BARX2: variants seen among roughly 807,000 people sequenced by gnomAD.
The protein encoded by BARX2 is homeobox protein BarH-like 2.
BARX2 carries 11 observed loss-of-function variants against 25.5 expected under a neutral mutation model. The observed-to-expected ratio is 0.43, with a 90% CI of 0.27 to 0.71. The LOEUF (loss-of-function observed/expected upper bound fraction) is 0.71. Among genes scored for constraint, BARX2 ranks in the 30% least tolerant of loss-of-function variants. BARX2 has a pLI of 0.19. For synonymous variants in BARX2, 137 were observed against 149.5 expected (o/e 0.92, Z 0.61); for missense variants, 360 against 359.9 (o/e 1.00, Z 0.00).
At chr11:129,386,193 G>A (rs1361967264) in intron 1 of BARX2, among the ~76,000 whole-genome samples, 1 of 152,220 alleles carries the variant, frequency 6.6e-6, no homozygotes, top group African/African-American at 2.4e-5. Context: ...CCCCAGTCGT[G>A]CAAGAGAGAG....
upstream of BARX2, chr11:129,375,803 T>G (rs2135379782): frequency 6.5e-6 from 1 of 153,638 alleles, no homozygotes; most frequent in East Asian, 1.9e-4. The surrounding 1 kb of genome is among the most constrained non-coding windows in gnomAD (Gnocchi z 4.0). Context: ...TCGCGCTGAT[T>G]GACAGCTGCG....
chr11:129,435,084 T>C (rs1862174135), intron 1 of BARX2, among the ~76,000 whole-genome samples: 1 of 152,232 alleles, frequency 6.6e-6, no homozygotes, highest in African/African-American at 2.4e-5. Context: ...AAACATCTTA[T>C]GCCTTTTTAA....
upstream of BARX2, among the ~76,000 whole-genome samples, chr11:129,375,758 T>C (rs973914454): frequency 6.6e-6 from 1 of 151,918 alleles, no homozygotes; most frequent in Non-Finnish European, 1.5e-5. This position sits in a 1 kb window ranked among gnomAD's most constrained non-coding sequence, Gnocchi z 4.0. Context: ...CGGACGCCCC[T>C]CAGCACACAC....
At position 129,437,008 on chromosome 11, in the gene BARX2, G is replaced by A; in HGVS notation, c.445G>A (p.Glu149Lys). 6.3e-7 allele frequency: 1 copy of A among 1,596,746 alleles called. No individual in the cohort carries two copies. Residue 149 changes from glutamate (E) to lysine (K), a missense_variant, in exon 2 of 4, where the codon GAG becomes AAG. Transcript: ENST00000281437. Reference protein sequence around the residue: ...IFTELQLMGLEKKFQKQKYLS... With the variant: ...IFTELQLMGLKKKFQKQKYLS... ...CACCGAGCTGCAGCTCATGGGCCTG[G>A]AGAAGAAATTCCAGAAGCAGAAGTA... is the stretch of plus-strand genomic sequence containing the variant.
intron 1 of BARX2, among the ~76,000 whole-genome samples, chr11:129,435,491 C>T (rs1298104909): frequency 1.3e-5 from 2 of 152,174 alleles, no homozygotes; most frequent in Non-Finnish European, 2.9e-5. Flanking sequence ...TGATGTTAGT[C>T]GGTTTCAACT....
chr11:129,398,782 G>C (rs528595169), intron 1 of BARX2, among the ~76,000 whole-genome samples: 1 of 152,370 alleles, frequency 6.6e-6, no homozygotes, highest in African/African-American at 2.4e-5. Flanking sequence ...GTAGAACACA[G>C]TTCAGCATTG....
intron 1 of BARX2, among the ~76,000 whole-genome samples, chr11:129,398,328 C>T (rs374891439): frequency 3.9e-5 from 6 of 152,258 alleles, no homozygotes; most frequent in South Asian, 4.2e-4. Flanking sequence ...GAGGCTCACT[C>T]GATTAGGCTG....
chr11:129,418,787 A>G (rs1165431356), intron 1 of BARX2, among the ~76,000 whole-genome samples: 1 of 152,132 alleles, frequency 6.6e-6, no homozygotes, highest in Non-Finnish European at 1.5e-5. Context: ...AACACACCCT[A>G]CAAGGTTTTA....
chr11:129,386,753 A>C (rs11221699), intron 1 of BARX2, among the ~76,000 whole-genome samples: 3,837 of 152,368 alleles, frequency 0.025, 138 homozygotes, highest in East Asian at 0.15. Context: ...ACATTTTGGC[A>C]AAAACGTGGC....
intron 1 of BARX2, among the ~76,000 whole-genome samples, chr11:129,402,258 C>T (rs928363541): frequency 1.3e-5 from 2 of 151,904 alleles, no homozygotes; most frequent in African/African-American, 2.4e-5. Context: ...ATTCTCAGTC[C>T]CTTACTTCTT....
At chr11:129,424,615 CAT>C (rs1219243282) in intron 1 of BARX2, among the ~76,000 whole-genome samples, 2 of 152,314 alleles carry the variant, frequency 1.3e-5, no homozygotes, top group South Asian at 2.1e-4. Flanking sequence ...GCCTTTGCCA[CAT>C]GTTTCTTCAT....
At chr11:129,431,024 A>T (rs1862122761) in intron 1 of BARX2, among the ~76,000 whole-genome samples, 2 of 152,080 alleles carry the variant, frequency 1.3e-5, no homozygotes, top group African/African-American at 4.8e-5. Context: ...ACCACGCCCG[A>T]CTAACTTTTG....
chr11:129,442,694 T>C (rs773504858), intron 2 of BARX2, 141 bp from the exon 3 acceptor site: 4 of 773,370 alleles, frequency 5.2e-6, no homozygotes, highest in Admixed American at 1.8e-5. Flanking sequence ...GAAAAGCGCT[T>C]TGGGGAAGAC....
chr11:129,419,345 G>A (rs1160003629), intron 1 of BARX2, among the ~76,000 whole-genome samples: 1 of 152,214 alleles, frequency 6.6e-6, no homozygotes, highest in Non-Finnish European at 1.5e-5. Context: ...CGTGCTGTAG[G>A]AACTTCACTC....
At chr11:129,414,154 A>G (rs1251306302) in intron 1 of BARX2, among the ~76,000 whole-genome samples, 1 of 152,066 alleles carries the variant, frequency 6.6e-6, no homozygotes, top group Non-Finnish European at 1.5e-5. Context: ...ACCGTGAGGA[A>G]GGGAGGTTTT....
intron 1 of BARX2, among the ~76,000 whole-genome samples, chr11:129,386,749 T>A (rs1861619949): frequency 6.6e-6 from 1 of 152,240 alleles, no homozygotes; most frequent in African/African-American, 2.4e-5. Context: ...TTAGACATTT[T>A]GGCAAAAACG....
chr11:129,392,309 G>A (rs896113445), intron 1 of BARX2, among the ~76,000 whole-genome samples: 7 of 152,170 alleles, frequency 4.6e-5, no homozygotes, highest in Non-Finnish European at 8.8e-5. Flanking sequence ...GTGCACTGTC[G>A]GGCTTACCAG....
chr11:129,407,520 G>C (rs1301740226), intron 1 of BARX2, among the ~76,000 whole-genome samples: 2 of 152,128 alleles, frequency 1.3e-5, no homozygotes, highest in African/African-American at 4.8e-5. Context: ...CTTCTGTTGA[G>C]ACTTGCGCTA....
At chr11:129,378,126 C>T (rs1311796075) in intron 1 of BARX2, among the ~76,000 whole-genome samples, 2 of 152,154 alleles carry the variant, frequency 1.3e-5, no homozygotes, top group Admixed American at 6.5e-5. Flanking sequence ...ACTGATGGTT[C>T]GTGGTAGAGG....
Sources: allele counts gnomAD v4.1 joint callset (sites outside exome capture counted in the v4.1 genomes callset), GRCh38; gene constraint gnomAD v4.1.1; non-coding constraint Gnocchi (gnomAD v3.1); transcripts MANE v1.5; gene names NCBI Gene and HGNC (gene_info 2026-07-23, HGNC 2026-07-21).